Variants in XIRP2 observed in about 807,000 individuals in gnomAD.
The protein encoded by XIRP2 is xin actin binding repeat containing 2.
In XIRP2, 236 loss-of-function variants were observed where a neutral mutation model predicts 277.0. That is an observed-to-expected ratio of 0.85 (90% CI 0.77 to 0.95). The LOEUF (loss-of-function observed/expected upper bound fraction) is 0.95. Ranked by LOEUF, XIRP2 falls within the 40% of genes least tolerant of loss-of-function variation. The probability of loss-of-function intolerance (pLI) is 0.00; values close to 1 mark genes in which losing one functional copy is unlikely to be tolerated. For missense variants in XIRP2, 4,640 were observed against 4,157.5 expected (o/e 1.12, Z -3.19); for synonymous variants, 1,490 against 1,416.5 (o/e 1.05, Z -1.17).
chr2:167,017,568 C>A (rs1298264971), intron 2 of XIRP2, among the ~76,000 whole-genome samples: 4 of 151,928 alleles, frequency 2.6e-5, no homozygotes, highest in Non-Finnish European at 4.4e-5. Context: ...AAATCAAGTT[C>A]TCCAATGCCA....
At chr2:166,943,680 T>C (rs1685781344) in intron 2 of XIRP2, among the ~76,000 whole-genome samples, 1 of 152,248 alleles carries the variant, frequency 6.6e-6, no homozygotes, top group African/African-American at 2.4e-5. Context: ...GGCATATGAT[T>C]GGCCTTAGCC....
At chr2:167,173,191 C>T (rs1450683741) in intron 3 of XIRP2, among the ~76,000 whole-genome samples, 1 of 152,084 alleles carries the variant, frequency 6.6e-6, no homozygotes, top group African/African-American at 2.4e-5. Context: ...CTATAGTCCC[C>T]CTGTTGTGCT....
At chr2:167,164,327 T>C (rs915034148) in intron 3 of XIRP2, among the ~76,000 whole-genome samples, 2 of 150,844 alleles carry the variant, frequency 1.3e-5, no homozygotes, top group Non-Finnish European at 2.9e-5. Context: ...GCGCCTGTAG[T>C]CCCAGCTACT....
At chr2:166,939,060 G>C (rs199556454) in intron 2 of XIRP2, among the ~76,000 whole-genome samples, 1 of 152,188 alleles carries the variant, frequency 6.6e-6, no homozygotes, top group East Asian at 1.9e-4. Flanking sequence ...GCCAGTCTAT[G>C]TCTTTCAATT....
chr2:167,015,990 C>T (rs1041070105), intron 2 of XIRP2, among the ~76,000 whole-genome samples: 3 of 151,818 alleles, frequency 2.0e-5, no homozygotes, highest in African/African-American at 7.2e-5. Flanking sequence ...TCTTCCATAA[C>T]ATGACTTGCA....
chr2:167,104,170 T>C (rs1243585275), intron 2 of XIRP2, among the ~76,000 whole-genome samples: 1 of 152,172 alleles, frequency 6.6e-6, no homozygotes, highest in African/African-American at 2.4e-5. Flanking sequence ...GTTTTTCTCA[T>C]GAAGGATTTT....
intron 2 of XIRP2, among the ~76,000 whole-genome samples, chr2:166,997,109 G>A (rs761358486): frequency 6.6e-6 from 1 of 152,134 alleles, no homozygotes; most frequent in Non-Finnish European, 1.5e-5. Context: ...CCTACATTTG[G>A]TATGATCATA....
At chr2:167,057,040 T>A (rs1053892638) in intron 2 of XIRP2, among the ~76,000 whole-genome samples, 1 of 152,108 alleles carries the variant, frequency 6.6e-6, no homozygotes, top group Non-Finnish European at 1.5e-5. Flanking sequence ...CCTCACAGAG[T>A]TGGCTTGGTA....
At chr2:166,997,458 T>C (rs1303518484) in intron 2 of XIRP2, among the ~76,000 whole-genome samples, 1 of 152,200 alleles carries the variant, frequency 6.6e-6, no homozygotes, top group Non-Finnish European at 1.5e-5. Flanking sequence ...ATTCAGTGTA[T>C]CATTCACATA....
At chr2:167,176,957 C>A (rs1254028755) in intron 3 of XIRP2, among the ~76,000 whole-genome samples, 1 of 152,138 alleles carries the variant, frequency 6.6e-6, no homozygotes, top group Non-Finnish European at 1.5e-5. Flanking sequence ...CACTGTCTTG[C>A]ACTCAGATTA....
intron 4 of XIRP2, among the ~76,000 whole-genome samples, chr2:167,214,093 A>AGAAGGAAG (rs776926324): frequency 0.1 from 6,409 of 64,316 alleles, 561 homozygotes; most frequent in Middle Eastern, 0.12. Context: ...GAAGAAAGAA[A>AGAAGGAAG]GAAGGAAGGA....
chr2:167,024,880 A>G (rs192827346), intron 2 of XIRP2, among the ~76,000 whole-genome samples: 8 of 152,276 alleles, frequency 5.3e-5, no homozygotes, highest in Admixed American at 5.2e-4. Context: ...GGATTTTTGC[A>G]TCAATGTTCA....
At chr2:167,192,511 GC>G (rs1693378366) in intron 3 of XIRP2, among the ~76,000 whole-genome samples, 1 of 152,238 alleles carries the variant, frequency 6.6e-6, no homozygotes, top group Middle Eastern at 3.4e-3. Context: ...TTTTTGTAAA[GC>G]TAAAGATTAC....
Position 167,249,539 on chromosome 2 carries a change from C to CTTTTTCATCTT in XIRP2, c.8147_8148insTTTTTCATCTT (p.Thr2717PhefsTer4), listed in dbSNP as rs1394256749. On this transcript the variant is annotated frameshift_variant, in exon 9 of 11. Transcript: ENST00000409195. LOFTEE classifies it high-confidence loss of function. ...TTCAAAGTTAAAACCATCAAACTTC[C>CTTTTTCATCTT]AACTCTAGATCATACATTAAATGAA... 6.2e-7 allele frequency: 1 copy of CTTTTTCATCTT among 1,613,622 alleles called. No homozygotes were observed. The highest frequency in any genetic ancestry group is 8.5e-7 in the Non-Finnish European group (1 of 1,179,778).
At chr2:167,021,282 T>C (rs1687973698) in intron 2 of XIRP2, among the ~76,000 whole-genome samples, 1 of 152,146 alleles carries the variant, frequency 6.6e-6, no homozygotes, top group African/African-American at 2.4e-5. Flanking sequence ...TTTATTGCTC[T>C]ATTTGAAGTG....
At chr2:167,026,902 G>A (rs1245671028) in intron 2 of XIRP2, among the ~76,000 whole-genome samples, 1 of 151,994 alleles carries the variant, frequency 6.6e-6, no homozygotes, top group African/African-American at 2.4e-5. Context: ...TTCCCTTTGT[G>A]GGTAACCCGA....
intron 2 of XIRP2, among the ~76,000 whole-genome samples, chr2:167,122,133 C>T (rs1227660708): frequency 1.3e-5 from 2 of 152,136 alleles, no homozygotes; most frequent in Admixed American, 6.6e-5. Context: ...AGGTAACATG[C>T]CCACAATCCC....
rs74404606 is a variant in XIRP2 at position 167,198,108 on chromosome 2, C to T, written c.563-12627C>T. On this transcript the variant is annotated intron_variant, in intron 3 of 10. Coordinates refer to ENST00000409195, the MANE Select transcript of XIRP2 (RefSeq NM_152381.6). The stretch of plus-strand genomic sequence containing the variant: ...TAACTGTAAATAAATTAAGGGATGA[C>T]GATACTGACTAATTATACACTCCAT... Among the ~76,000 whole-genome samples, 377 of 152,230 alleles carry T rather than the reference C, an allele frequency of 2.5e-3. 12 individuals are homozygous for T. The East Asian group carries it at 0.056, about 22-fold the overall frequency.
At chr2:166,927,868 G>A (rs2105365028) in intron 2 of XIRP2, among the ~76,000 whole-genome samples, 1 of 152,198 alleles carries the variant, frequency 6.6e-6, no homozygotes. Flanking sequence ...CCATGAATAT[G>A]CTTTTATTTT....
Sources: allele counts gnomAD v4.1 joint callset (sites outside exome capture counted in the v4.1 genomes callset), GRCh38; gene constraint gnomAD v4.1.1; transcripts MANE v1.5; gene names NCBI Gene and HGNC (gene_info 2026-07-23, HGNC 2026-07-21).